ZNF407: variants seen among roughly 807,000 people sequenced by gnomAD.
ZNF407 encodes zinc finger protein 407.
In ZNF407, 17 loss-of-function variants were observed where a neutral mutation model predicts 131.2. That is an observed-to-expected ratio of 0.13 (90% CI 0.09 to 0.19). The LOEUF (loss-of-function observed/expected upper bound fraction) is 0.19. Ranked by LOEUF, ZNF407 falls within the 10% of genes least tolerant of loss-of-function variation. ZNF407 has a pLI of 1.00. For missense variants in ZNF407, 2,681 were observed against 2,830.6 expected, an observed-to-expected ratio of 0.95 and a Z score of 1.20; for synonymous variants, 1,156 against 1,062.0, an observed-to-expected ratio of 1.09 and a Z score of -1.72.
At chr18:74,777,808 G>A (rs959585257) in intron 3 of ZNF407, among the ~76,000 whole-genome samples, 2 of 152,018 alleles carry the variant, frequency 1.3e-5, no homozygotes, top group Non-Finnish European at 2.9e-5. Context: ...GAGGCTAGGT[G>A]TGGTGGCTCA....
chr18:74,852,215 A>G (rs550722228), intron 4 of ZNF407, among the ~76,000 whole-genome samples: 256 of 151,748 alleles, frequency 1.7e-3, no homozygotes, highest in Middle Eastern at 0.014. Flanking sequence ...ACGCACGCGC[A>G]CGCGCGCGCG....
intron 8 of ZNF407, among the ~76,000 whole-genome samples, chr18:75,002,767 T>C (rs1459912778): frequency 7.0e-6 from 1 of 143,578 alleles, no homozygotes; most frequent in Non-Finnish European, 1.5e-5. Flanking sequence ...ATCGCGCCAC[T>C]GCACTCCAGC....
At chr18:74,608,274 A>G (rs1192747959) in intron 1 of ZNF407, among the ~76,000 whole-genome samples, 2 of 152,110 alleles carry the variant, frequency 1.3e-5, no homozygotes, top group Admixed American at 1.3e-4. Context: ...TTTCTGGTCC[A>G]GGATCCAACC....
intron 3 of ZNF407, among the ~76,000 whole-genome samples, chr18:74,699,536 G>A (rs562778150): frequency 1.1e-4 from 16 of 152,200 alleles, no homozygotes; most frequent in Admixed American, 7.2e-4. Flanking sequence ...TACCGGTGTT[G>A]GAGTGACCAG....
At chr18:74,746,124 G>A (rs562666408) in intron 3 of ZNF407, among the ~76,000 whole-genome samples, 5 of 152,262 alleles carry the variant, frequency 3.3e-5, no homozygotes, top group South Asian at 2.1e-4. Flanking sequence ...TCCAGCATGC[G>A]ACTGTACTGA....
At chr18:74,998,281 C>T (rs1446160796) in intron 8 of ZNF407, among the ~76,000 whole-genome samples, 1 of 152,124 alleles carries the variant, frequency 6.6e-6, no homozygotes, top group African/African-American at 2.4e-5. Context: ...AGCAAAAACA[C>T]CAAGAAAAAT....
chr18:74,838,540 C>T (rs924694867), intron 4 of ZNF407, among the ~76,000 whole-genome samples: 4 of 152,114 alleles, frequency 2.6e-5, no homozygotes, highest in African/African-American at 7.2e-5. Flanking sequence ...GTTGACAGTT[C>T]TTTCTAGGAA....
intron 1 of ZNF407, among the ~76,000 whole-genome samples, chr18:74,598,741 T>C (rs1568308462): frequency 6.6e-6 from 1 of 152,226 alleles, no homozygotes. Flanking sequence ...CAGCAGTGGG[T>C]TTCTCAGTAG....
chr18:74,686,000 T>A (rs1022806199), intron 3 of ZNF407, among the ~76,000 whole-genome samples: 2 of 152,266 alleles, frequency 1.3e-5, no homozygotes, highest in African/African-American at 4.8e-5. Flanking sequence ...AAGTGCCTGG[T>A]ATATAATCGG....
At chr18:74,923,750 C>G (rs1971876735) in intron 8 of ZNF407, among the ~76,000 whole-genome samples, 1 of 152,052 alleles carries the variant, frequency 6.6e-6, no homozygotes, top group Admixed American at 6.6e-5. Context: ...TGAAATATTT[C>G]TTAGTAGCAA....
At chr18:74,870,887 T>C (rs1207282880) in intron 4 of ZNF407, among the ~76,000 whole-genome samples, 1 of 152,202 alleles carries the variant, frequency 6.6e-6, no homozygotes, top group Non-Finnish European at 1.5e-5. Flanking sequence ...GGTGAACAGG[T>C]TACTATGGAA....
chr18:74,598,109 C>T (rs1381027792), intron 1 of ZNF407, 172 bp downstream of exon 1: 1 of 151,072 alleles, frequency 6.6e-6, no homozygotes, highest in Admixed American at 6.6e-5. Flanking sequence ...CCGCCCCTCC[C>T]TGTCGCCTTC....
At chr18:74,625,023 C>T (rs1351364170) in intron 1 of ZNF407, among the ~76,000 whole-genome samples, 2 of 152,094 alleles carry the variant, frequency 1.3e-5, no homozygotes, top group East Asian at 1.9e-4. Context: ...TCATGTGGCC[C>T]CCACAGAATC....
chr18:74,829,972 T>C (rs1235628554), intron 4 of ZNF407, among the ~76,000 whole-genome samples: 1 of 152,140 alleles, frequency 6.6e-6, no homozygotes. Flanking sequence ...TATAGTAGGT[T>C]CTATGAGTTT....
intron 8 of ZNF407, among the ~76,000 whole-genome samples, chr18:74,929,737 A>G (rs973207092): frequency 1.8e-4 from 27 of 152,304 alleles, no homozygotes; most frequent in Non-Finnish European, 2.9e-5. Context: ...TAGCATGACA[A>G]GTCTTTCAAA....
At chr18:74,934,444 G>T (rs945171629) in intron 8 of ZNF407, among the ~76,000 whole-genome samples, 5 of 152,136 alleles carry the variant, frequency 3.3e-5, no homozygotes, top group Non-Finnish European at 7.3e-5. Flanking sequence ...TTTGAACTTT[G>T]CTGTCTTAAA....
Position 74,889,938 on chromosome 18 carries a change from G to A in ZNF407, c.5149G>A (p.Asp1717Asn), listed in dbSNP as rs1436407647. Residue 1717 changes from aspartate to asparagine, a missense_variant, in exon 7 of 9, where the codon GAT (aspartate) becomes AAT (asparagine). Asp to Asn is a conservative substitution (Grantham distance 23). Around this residue, in one of 6 missense-constraint regions of ZNF407, gnomAD observed 20 missense variants for 56.4 expected, o/e 0.35. Transcript: ENST00000299687. ...TACAGGAGAAAAACCTTTCAAGTGC[G>A]ATGAGTGTAACTTTGCCTCCACAAC... ...QHTGEKPFKC[D>N]ECNFASTTQS... 1 of 1,608,542 alleles carries A rather than the reference G, an allele frequency of 6.2e-7. No homozygotes were observed. Among genetic ancestry groups the A allele is most frequent in the African/African-American group, 1.3e-5 (1 of 74,780 alleles).
chr18:74,650,314 A>G (rs533896862), intron 3 of ZNF407, among the ~76,000 whole-genome samples: 14 of 152,124 alleles, frequency 9.2e-5, no homozygotes, highest in Non-Finnish European at 1.9e-4. Flanking sequence ...ATCGTTTACA[A>G]TTGTTGGTGC....
chr18:74,841,399 C>T (rs1970631736), intron 4 of ZNF407, among the ~76,000 whole-genome samples: 1 of 152,168 alleles, frequency 6.6e-6, no homozygotes. Flanking sequence ...CCTTTGCTCA[C>T]CGCTTCCCTT....
Sources: allele counts gnomAD v4.1 joint callset (sites outside exome capture counted in the v4.1 genomes callset), GRCh38; gene constraint gnomAD v4.1.1; regional missense constraint gnomAD v4.1.1; transcripts MANE v1.5; gene names NCBI Gene and HGNC (gene_info 2026-07-23, HGNC 2026-07-21).